The following PLEKHA5 variants were observed in gnomAD, a reference collection of about 807,000 sequenced individuals.
The protein encoded by PLEKHA5 is pleckstrin homology domain containing A5, also known as pleckstrin homology domain-containing family A member 5.
A neutral mutation model predicts 181.9 loss-of-function variants in PLEKHA5; 55 were observed. The observed-to-expected ratio is 0.30, with a 90% CI of 0.24 to 0.38. PLEKHA5 has a LOEUF of 0.38. PLEKHA5 is among the 10% of genes least tolerant of loss of function. The pLI, the probability that PLEKHA5 is intolerant of heterozygous loss-of-function variation, is 1.00. For synonymous variants in PLEKHA5, 535 were observed against 529.4 expected (o/e 1.01, Z -0.15); for missense variants, 1,432 against 1,549.5 (o/e 0.92, Z 1.27).
chr12:19,268,675 C>G (rs565952204), intron 8 of PLEKHA5, among the ~76,000 whole-genome samples: 2 of 152,228 alleles, frequency 1.3e-5, no homozygotes, highest in Admixed American at 1.3e-4. Flanking sequence ...TTCCATTTGA[C>G]TGATGGCGAG....
At chr12:19,290,135 A>G (rs1403828716) in intron 13 of PLEKHA5, among the ~76,000 whole-genome samples, 3 of 151,490 alleles carry the variant, frequency 2.0e-5, no homozygotes, top group African/African-American at 7.3e-5. Context: ...TAGTAGAGGC[A>G]GGGCTCAGGC....
intron 15 of PLEKHA5, among the ~76,000 whole-genome samples, chr12:19,303,989 G>A (rs75811019): frequency 0.065 from 9,899 of 151,650 alleles, 528 homozygotes; most frequent in East Asian, 0.18. Context: ...CTAATTTTTT[G>A]TAGAGGGGGG....
intron 3 of PLEKHA5, chr12:19,146,964 G>T (rs1465984584): frequency 6.6e-6 from 1 of 152,222 alleles, no homozygotes; most frequent in Non-Finnish European, 1.5e-5. Flanking sequence ...TTATGATGTT[G>T]TGAGTTAATT....
intron 20 of PLEKHA5, among the ~76,000 whole-genome samples, chr12:19,333,110 C>A (rs1454980491): frequency 6.6e-6 from 1 of 152,146 alleles, no homozygotes; most frequent in East Asian, 1.9e-4. Flanking sequence ...CATGGAGAAA[C>A]CCCGTCTCTA....
intron 15 of PLEKHA5, among the ~76,000 whole-genome samples, chr12:19,293,926 A>G (rs929092331): frequency 6.6e-6 from 1 of 152,132 alleles, no homozygotes; most frequent in Non-Finnish European, 1.5e-5. Context: ...TTGTGGTCCT[A>G]CTGGTGACTT....
intron 29 of PLEKHA5, among the ~76,000 whole-genome samples, chr12:19,364,044 A>C (rs532485639): frequency 7.2e-5 from 11 of 152,358 alleles, no homozygotes; most frequent in African/African-American, 2.2e-4. Flanking sequence ...ACAACAACAA[A>C]AAAATTACTT....
intron 15 of PLEKHA5, among the ~76,000 whole-genome samples, chr12:19,301,711 A>G (rs2081509229): frequency 1.3e-5 from 2 of 152,210 alleles, no homozygotes; most frequent in Admixed American, 6.5e-5. Flanking sequence ...TAATGTTTGC[A>G]GGTTTTACTT....
intron 3 of PLEKHA5, among the ~76,000 whole-genome samples, chr12:19,225,446 G>C (rs2059559785): frequency 1.3e-5 from 2 of 152,136 alleles, no homozygotes; most frequent in Admixed American, 1.3e-4. Flanking sequence ...TGGGGTTTTA[G>C]TTTTAGCATT....
chr12:19,373,901 ATTTCC>A (rs2095649069), intron 31 of PLEKHA5, among the ~76,000 whole-genome samples: 1 of 151,594 alleles, frequency 6.6e-6, no homozygotes, highest in Non-Finnish European at 1.5e-5. Flanking sequence ...ACTCAAGTAT[ATTTCC>A]AGGTTCCTTA....
At chr12:19,262,717 A>G (rs1233636361) in intron 7 of PLEKHA5, among the ~76,000 whole-genome samples, 1 of 152,220 alleles carries the variant, frequency 6.6e-6, no homozygotes, top group African/African-American at 2.4e-5. Context: ...AGATGAGAAC[A>G]GTAGACACTG....
At chr12:19,368,685 G>A (rs1472795513) in intron 30 of PLEKHA5, among the ~76,000 whole-genome samples, 7 of 152,142 alleles carry the variant, frequency 4.6e-5, no homozygotes, top group Non-Finnish European at 8.8e-5. Flanking sequence ...CAGCTACTCA[G>A]GAGGCTGAGG....
At chr12:19,235,972 C>T (rs2061352956) in intron 3 of PLEKHA5, among the ~76,000 whole-genome samples, 1 of 152,066 alleles carries the variant, frequency 6.6e-6, no homozygotes, top group Non-Finnish European at 1.5e-5. Flanking sequence ...TTGACCTATC[C>T]ATTCCACTTC....
At chr12:19,256,513 C>G (rs1235499758) in intron 5 of PLEKHA5, among the ~76,000 whole-genome samples, 1 of 152,116 alleles carries the variant, frequency 6.6e-6, no homozygotes, top group Admixed American at 6.5e-5. Flanking sequence ...CTTTGTGTAT[C>G]TTTTTGTGTC....
chr12:19,371,108 G>C (rs1287369482), intron 31 of PLEKHA5: 1 of 151,852 alleles, frequency 6.6e-6, no homozygotes, highest in South Asian at 2.1e-4. Context: ...GACCTCCCAG[G>C]CTCAAGCAAT....
At chr12:19,271,739 G>T (rs1409221167) in intron 10 of PLEKHA5, among the ~76,000 whole-genome samples, 2 of 151,892 alleles carry the variant, frequency 1.3e-5, no homozygotes, top group African/African-American at 4.8e-5. Flanking sequence ...CAATTATTTG[G>T]CTTGGCTTTT....
chr12:19,351,721 T>G (rs1431261969), intron 25 of PLEKHA5, among the ~76,000 whole-genome samples: 3 of 151,998 alleles, frequency 2.0e-5, no homozygotes, highest in African/African-American at 7.2e-5. Flanking sequence ...TTGTTAGAAA[T>G]AAATCTAAAT....
chr12:19,153,759 G>A (rs1057461399), intron 3 of PLEKHA5: 1 of 152,024 alleles, frequency 6.6e-6, no homozygotes, highest in Non-Finnish European at 1.5e-5. Flanking sequence ...TGTTCTGTTG[G>A]GTTTGTTGAT....
At chr12:19,325,485 C>T (rs1271629497) in intron 20 of PLEKHA5, among the ~76,000 whole-genome samples, 5 of 151,198 alleles carry the variant, frequency 3.3e-5, no homozygotes, top group Non-Finnish European at 4.4e-5. Flanking sequence ...GTCAGGAGTT[C>T]GAGACCAGAC....
At chr12:19,236,935 G>A (rs2061495167) in intron 3 of PLEKHA5, 1 of 152,154 alleles carries the variant, frequency 6.6e-6, no homozygotes, top group African/African-American at 2.4e-5. Context: ...TGCTCACTGA[G>A]AACAGCTCAA....
Sources: allele counts gnomAD v4.1 joint callset (sites outside exome capture counted in the v4.1 genomes callset), GRCh38; gene constraint gnomAD v4.1.1; transcripts MANE v1.5; gene names NCBI Gene and HGNC (gene_info 2026-07-23, HGNC 2026-07-21).